The following PIP5K1A variants were observed in gnomAD, a reference collection of about 807,000 sequenced individuals.
The protein encoded by PIP5K1A is phosphatidylinositol 4-phosphate 5-kinase type-1 alpha.
PIP5K1A carries 46 observed loss-of-function variants against 72.9 expected under a neutral mutation model. The observed-to-expected ratio is 0.63, with a 90% confidence interval of 0.50 to 0.81. PIP5K1A has a LOEUF of 0.81. Among genes scored for constraint, PIP5K1A ranks in the 30% least tolerant of loss-of-function variants. PIP5K1A has a pLI of 0.00. For synonymous variants in PIP5K1A, 228 were observed against 255.1 expected, an observed-to-expected ratio of 0.89 and a Z score of 1.01; for missense variants, 458 against 706.1, an observed-to-expected ratio of 0.65 and a Z score of 3.98.
chr1:151,228,938 C>T (rs1022187777), intron 4 of PIP5K1A, among the ~76,000 whole-genome samples: 1 of 151,000 alleles, frequency 6.6e-6, no homozygotes, highest in Non-Finnish European at 1.5e-5. Flanking sequence ...GAAGCTGAGG[C>T]GGGTGGATCA....
At chr1:151,234,604 C>T in intron 8 of PIP5K1A, 108 bp downstream of exon 8, 1 of 810,178 alleles carries the variant, frequency 1.2e-6, no homozygotes, top group Non-Finnish European at 2.1e-6. Context: ...CACTGTATGT[C>T]CTGGGCTGTA....
chr1:151,195,702 G>A (rs1419343305), upstream of PIP5K1A, among the ~76,000 whole-genome samples: 1 of 151,408 alleles, frequency 6.6e-6, no homozygotes, highest in African/African-American at 2.4e-5. Flanking sequence ...AGTAAGCCAA[G>A]CGCCACTGCA....
At chr1:151,206,623 T>A (rs1323105102) in intron 1 of PIP5K1A, among the ~76,000 whole-genome samples, 1 of 152,184 alleles carries the variant, frequency 6.6e-6, no homozygotes, top group Non-Finnish European at 1.5e-5. Context: ...TGGAGTGCAG[T>A]GGTGGGATCT....
In PIP5K1A at chr1:151,198,616, A is replaced by C. The variant is rs928559925; in HGVS notation, c.-381A>C. The C allele has an allele frequency of 2.3e-4, 52 of 226,394 alleles. No individual in the cohort carries two copies. Among genetic ancestry groups the C allele is most frequent in the Middle Eastern group, 1.7e-3 (1 of 596 alleles). 14.0% of individuals were successfully genotyped at this position (226,394 alleles called of 1,614,324 possible). On this transcript the variant is annotated 5_prime_UTR_variant, in exon 1 of 16. Coordinates refer to ENST00000368888, the MANE Select transcript of PIP5K1A (RefSeq NM_001135638.2). ...GGGCGATTAACAGGCCGTGGTTAGG[A>C]AGGACGGAGAAGGGGCGTTCGCTCC...
intron 3 of PIP5K1A, among the ~76,000 whole-genome samples, chr1:151,224,724 C>T (rs1316238924): frequency 6.6e-6 from 1 of 152,162 alleles, no homozygotes; most frequent in Non-Finnish European, 1.5e-5. Flanking sequence ...GTTATGGCCT[C>T]CTGATTGCAT....
intron 10 of PIP5K1A, chr1:151,238,643 A>G (rs1691222481): frequency 3.7e-6 from 1 of 268,566 alleles, no homozygotes; most frequent in Admixed American, 5.0e-5. Flanking sequence ...CAGGAGGGTC[A>G]CTGTGTTCTG....
intron 1 of PIP5K1A, among the ~76,000 whole-genome samples, chr1:151,221,580 A>G (rs968096427): frequency 1.3e-5 from 2 of 152,174 alleles, no homozygotes; most frequent in African/African-American, 4.8e-5. Context: ...CTCAGACAAA[A>G]TATTTTCTTC....
chr1:151,224,466 T>C (rs1688826818), intron 3 of PIP5K1A, 60 bp downstream of exon 3: 1 of 1,195,764 alleles, frequency 8.4e-7, no homozygotes, highest in African/African-American at 1.5e-5. Context: ...ATTAACAATA[T>C]CTCACATTTA....
At chr1:151,214,079 A>G (rs1356252033) in intron 1 of PIP5K1A, among the ~76,000 whole-genome samples, 2 of 152,048 alleles carry the variant, frequency 1.3e-5, no homozygotes, top group Non-Finnish European at 1.5e-5. Context: ...TTTCCACTCA[A>G]TATATTGACA....
Position 151,239,979 on chromosome 1 carries a change from G to A in PIP5K1A, c.1303G>A (p.Gly435Ser), listed in dbSNP as rs774818450. The A allele has an allele frequency of 1.2e-6, 2 of 1,613,100 alleles. No homozygotes were observed. Among genetic ancestry groups the A allele is most frequent in the South Asian group, 2.2e-5 (2 of 91,044 alleles). Residue 435 changes from glycine (G) to serine (S), a missense_variant, in exon 12 of 16, where the codon GGC (glycine) becomes AGC (serine). Gly to Ser is a moderately conservative substitution (Grantham distance 56). This residue lies in a region of PIP5K1A where 157 missense variants were observed against 175.5 expected (regional missense o/e 0.89). Transcript: ENST00000368888. ...DGDTVSVHRP[G>S]FYAERFQRFM... is the part of the protein sequence containing the mutation. Reference sequence around the variant, plus strand: ...GGACACTGTCTCAGTGCATCGCCCAGGCTTCTACGCTGAACGGTTCCAGCG... The same window carrying A: ...GGACACTGTCTCAGTGCATCGCCCAAGCTTCTACGCTGAACGGTTCCAGCG...
intron 1 of PIP5K1A, chr1:151,216,077 A>T: frequency 1.4e-6 from 1 of 736,966 alleles, no homozygotes; most frequent in African/African-American, 1.8e-5. Context: ...CTTCCCCATA[A>T]CAGTTGCAGA....
At chr1:151,245,538 T>G (rs1692373466) in intron 14 of PIP5K1A, among the ~76,000 whole-genome samples, 1 of 152,102 alleles carries the variant, frequency 6.6e-6, no homozygotes, top group Admixed American at 6.6e-5. Flanking sequence ...ACGATCTTGG[T>G]TCACTGCAGT....
At chr1:151,230,805 G>A (rs189270027) in intron 4 of PIP5K1A, among the ~76,000 whole-genome samples, 1 of 152,348 alleles carries the variant, frequency 6.6e-6, no homozygotes, top group Admixed American at 6.5e-5. Flanking sequence ...CTCCCAAAGT[G>A]CTTGGATTAG....
At position 151,210,425 on chromosome 1, in the gene PIP5K1A, G is replaced by A. The variant is rs1236954779; in HGVS notation, c.85+11344G>A. 2.6e-5 allele frequency among the ~76,000 whole-genome samples: 4 copies of A among 150,986 alleles called. 1 individual carries two copies. The highest frequency in any genetic ancestry group is 7.3e-5 in the African/African-American group (3 of 41,024). On this transcript the variant is annotated intron_variant, in intron 1 of 15. Transcript: ENST00000368888. ...CGATCTCAAACTCCTGGCCTAAAGC[G>A]ATCCTCCTGTCTCAGCCTCTCAAAG...
At chr1:151,202,613 G>A (rs1409067924) in intron 1 of PIP5K1A, among the ~76,000 whole-genome samples, 1 of 151,062 alleles carries the variant, frequency 6.6e-6, no homozygotes, top group Non-Finnish European at 1.5e-5. Flanking sequence ...CAGATTACAG[G>A]CACCTGCCAC....
chr1:151,228,339 A>G (rs1237335340), intron 4 of PIP5K1A, among the ~76,000 whole-genome samples: 1 of 151,952 alleles, frequency 6.6e-6, no homozygotes, highest in African/African-American at 2.4e-5. Flanking sequence ...GTTTTATGAC[A>G]TGATCTCGCT....
At chr1:151,200,008 C>G (rs1684995948) in intron 1 of PIP5K1A, among the ~76,000 whole-genome samples, 1 of 152,006 alleles carries the variant, frequency 6.6e-6, no homozygotes, top group Non-Finnish European at 1.5e-5. Flanking sequence ...TGGTGATTCC[C>G]AACTCTAAAC....
intron 1 of PIP5K1A, among the ~76,000 whole-genome samples, chr1:151,212,640 T>C (rs1231948096): frequency 6.6e-6 from 1 of 151,980 alleles, no homozygotes; most frequent in African/African-American, 2.4e-5. Flanking sequence ...AGTGGCATGA[T>C]CTCTGCTTAC....
chr1:151,198,929 C>G lies in PIP5K1A; in HGVS notation c.-68C>G, dbSNP rs1162610943. ...TCTGTAAAGAGACGTTGGGAAGATT[C>G]GATTCCGAGAAGAGGAAGAACCGGA... On this transcript the variant is annotated 5_prime_UTR_variant, in exon 1 of 16. Transcript: ENST00000368888. The G allele has an allele frequency of 1.4e-6, 2 of 1,455,600 alleles. No individual in the cohort carries two copies. The highest frequency in any genetic ancestry group is 1.9e-6 in the Non-Finnish European group (2 of 1,040,512). The allele number at this position is 1,455,600 out of a possible 1,614,324, so 90.2% of individuals were successfully genotyped here. A position where few individuals can be genotyped will look rare whatever the true frequency, so the allele number is the denominator to read the frequency against.
Sources: allele counts gnomAD v4.1 joint callset (sites outside exome capture counted in the v4.1 genomes callset), GRCh38; gene constraint gnomAD v4.1.1; regional missense constraint gnomAD v4.1.1; transcripts MANE v1.5; gene names NCBI Gene and HGNC (gene_info 2026-07-23, HGNC 2026-07-21).